Variants in SLC35F4 observed in about 807,000 individuals in gnomAD.
SLC35F4 encodes solute carrier family 35 member F4, also known as chromosome 14 open reading frame 36.
A neutral mutation model predicts 44.2 loss-of-function variants in SLC35F4; 24 were observed. The observed-to-expected ratio is 0.54, with a 90% confidence interval of 0.39 to 0.76. The LOEUF (loss-of-function observed/expected upper bound fraction) is 0.76. Ranked by LOEUF, SLC35F4 falls within the 30% of genes least tolerant of loss-of-function variation. The pLI, the probability that SLC35F4 is intolerant of heterozygous loss-of-function variation, is 0.00. For synonymous variants in SLC35F4, 238 were observed against 223.6 expected, an observed-to-expected ratio of 1.06 and a Z score of -0.57; for missense variants, 562 against 586.1, an observed-to-expected ratio of 0.96 and a Z score of 0.42.
chr14:57,864,930 T>C, intron 1 of SLC35F4, among the ~76,000 whole-genome samples: 1 of 152,104 alleles, frequency 6.6e-6, no homozygotes, highest in East Asian at 1.9e-4. Context: ...GCACACCTCA[T>C]CGCCCTCCCA....
chr14:57,743,509 C>A (rs950248757), intron 1 of SLC35F4, among the ~76,000 whole-genome samples: 3 of 152,296 alleles, frequency 2.0e-5, no homozygotes, highest in African/African-American at 7.2e-5. Flanking sequence ...CATACACCCT[C>A]CCAAGACTAA....
chr14:57,939,847 A>T (rs1023733313), intron 1 of SLC35F4, among the ~76,000 whole-genome samples: 1 of 152,164 alleles, frequency 6.6e-6, no homozygotes. Flanking sequence ...ATATATAAAT[A>T]TTTTTTTACA....
intron 1 of SLC35F4, among the ~76,000 whole-genome samples, chr14:57,916,076 C>T (rs1020357809): frequency 5.3e-5 from 8 of 152,148 alleles, no homozygotes; most frequent in Non-Finnish European, 1.0e-4. Context: ...TTATTTCTCA[C>T]AGTTCTGGAG....
chr14:57,752,747 C>T (rs2076915050), intron 1 of SLC35F4, among the ~76,000 whole-genome samples: 1 of 152,206 alleles, frequency 6.6e-6, no homozygotes, highest in African/African-American at 2.4e-5. Flanking sequence ...GCGTGAGCCA[C>T]TGCACCTGGC....
At chr14:57,673,273 C>A (rs2074580695) in intron 1 of SLC35F4, among the ~76,000 whole-genome samples, 1 of 152,046 alleles carries the variant, frequency 6.6e-6, no homozygotes, top group African/African-American at 2.4e-5. Context: ...TGATGTCAAG[C>A]AAGACTATTG....
chr14:57,717,730 G>A (rs551624845), intron 1 of SLC35F4, among the ~76,000 whole-genome samples: 1 of 152,132 alleles, frequency 6.6e-6, no homozygotes, highest in East Asian at 1.9e-4. Flanking sequence ...ATTTTTGTGG[G>A]TACATAGTAG....
intron 1 of SLC35F4, among the ~76,000 whole-genome samples, chr14:57,963,108 T>G (rs369850423): frequency 9.8e-5 from 15 of 152,294 alleles, no homozygotes; most frequent in African/African-American, 3.6e-4. Flanking sequence ...ACCCTCTCTC[T>G]TGAGTGACAG....
chr14:57,589,815 C>G (rs765295009), intron 2 of SLC35F4, among the ~76,000 whole-genome samples: 1 of 152,158 alleles, frequency 6.6e-6, no homozygotes, highest in Non-Finnish European at 1.5e-5. Flanking sequence ...CATCCCAGCC[C>G]CCAAAGACTG....
chr14:57,966,158 G>A (rs1164894592), intron 1 of SLC35F4, among the ~76,000 whole-genome samples: 1 of 152,144 alleles, frequency 6.6e-6, no homozygotes, highest in Non-Finnish European at 1.5e-5. Flanking sequence ...CTAATTTACT[G>A]TTCCCTAATC....
At chr14:57,648,356 A>C (rs924317608) in intron 1 of SLC35F4, among the ~76,000 whole-genome samples, 21 of 152,242 alleles carry the variant, frequency 1.4e-4, no homozygotes, top group African/African-American at 5.1e-4. Flanking sequence ...AATAATTTTT[A>C]AAAAGAGATA....
intron 1 of SLC35F4, among the ~76,000 whole-genome samples, chr14:57,945,439 ATGTGTGTGTGTGTGTGTGTGTGTGTGTG>A (rs58976756): frequency 3.8e-5 from 4 of 104,690 alleles, no homozygotes; most frequent in Non-Finnish European, 7.1e-5. Context: ...AGCAATGATA[ATGTGTGTGTGTGTGTGTGTGTGTGTGTG>A]TGTGTGTGTG....
upstream of SLC35F4, among the ~76,000 whole-genome samples, chr14:57,869,578 A>C (rs1383755986): frequency 6.6e-6 from 1 of 152,214 alleles, no homozygotes; most frequent in Non-Finnish European, 1.5e-5. Flanking sequence ...CCTCTGGGAA[A>C]TTAGTATATT....
At chr14:57,609,572 G>C (rs538601927) in intron 1 of SLC35F4, among the ~76,000 whole-genome samples, 2 of 152,200 alleles carry the variant, frequency 1.3e-5, no homozygotes, top group Non-Finnish European at 2.9e-5. Context: ...AGCTATGCAA[G>C]TATTAGAATG....
chr14:57,629,249 C>G (rs924859190), intron 1 of SLC35F4, among the ~76,000 whole-genome samples: 4 of 152,060 alleles, frequency 2.6e-5, no homozygotes, highest in African/African-American at 9.7e-5. Flanking sequence ...TACTGTCTCC[C>G]TGGGAAACCA....
chr14:57,958,207 G>A (rs146446881), intron 1 of SLC35F4, among the ~76,000 whole-genome samples: 92 of 152,110 alleles, frequency 6.0e-4, no homozygotes, highest in South Asian at 4.2e-3. Flanking sequence ...ACAGGCGCCC[G>A]CCACCACGCC....
At chr14:57,700,549 A>T (rs2075507668) in intron 1 of SLC35F4, among the ~76,000 whole-genome samples, 1 of 152,196 alleles carries the variant, frequency 6.6e-6, no homozygotes, top group Admixed American at 6.6e-5. Flanking sequence ...AATTTAAATT[A>T]AAAAATTTTT....
chr14:57,733,554 A>G (rs942841136), intron 1 of SLC35F4, among the ~76,000 whole-genome samples: 1 of 150,644 alleles, frequency 6.6e-6, no homozygotes. Flanking sequence ...ACGTTAATTG[A>G]AAAAAAAAGG....
intron 1 of SLC35F4, among the ~76,000 whole-genome samples, chr14:57,620,746 T>A (rs1028301076): frequency 1.3e-5 from 2 of 152,168 alleles, no homozygotes; most frequent in African/African-American, 4.8e-5. Context: ...TTGTTGAATT[T>A]TGTCAAAGGC....
chr14:57,853,999 A>T (rs1886840472), intron 1 of SLC35F4, among the ~76,000 whole-genome samples: 1 of 152,256 alleles, frequency 6.6e-6, no homozygotes, highest in African/African-American at 2.4e-5. Flanking sequence ...CAAATGGCAT[A>T]GAACCAGCTT....
Sources: gnomAD v4.1 joint callset for allele counts (sites outside exome capture counted in the v4.1 genomes callset) on GRCh38, gnomAD v4.1.1 for gene constraint, MANE v1.5 for transcripts, NCBI Gene and HGNC (gene_info 2026-07-23, HGNC 2026-07-21) for gene names.